MAPDA: variants seen among roughly 807,000 people sequenced by gnomAD.
MAPDA encodes N6-Methyl-AMP deaminase.
chr15:43,336,613 A>G, the MAPDA span: 50 of 1,562,050 alleles, frequency 3.2e-5, no homozygotes, highest in South Asian at 8.8e-5. Flanking sequence ...AAAACTTTTC[A>G]TTCATGTTGC....
chr15:43,335,635 C>G, the MAPDA span: 20 of 1,509,382 alleles, frequency 1.3e-5, no homozygotes, highest in Admixed American at 1.3e-4. Flanking sequence ...ACATTAAGTA[C>G]TTGGTAAGAT....
the MAPDA span, chr15:43,349,194 T>A: frequency 3.5e-6 from 5 of 1,439,708 alleles, no homozygotes; most frequent in South Asian, 6.3e-5. Context: ...TGAGCCTTAT[T>A]TAAAACAGAA....
the MAPDA span, among the ~76,000 whole-genome samples, chr15:43,340,817 A>T: frequency 6.6e-6 from 1 of 152,116 alleles, no homozygotes; most frequent in East Asian, 1.9e-4. Context: ...AGTTGTTTTC[A>T]CTCTGAGAAA....
chr15:43,344,158 T>C, the MAPDA span, among the ~76,000 whole-genome samples: 1 of 152,278 alleles, frequency 6.6e-6, no homozygotes, highest in South Asian at 2.1e-4. Flanking sequence ...TAAAAAAGTT[T>C]TTCCCTCTGA....
chr15:43,337,270 C>T, the MAPDA span, among the ~76,000 whole-genome samples: 6 of 129,370 alleles, frequency 4.6e-5, no homozygotes, highest in African/African-American at 1.5e-4. Context: ...AGCGAGACTC[C>T]GTCTCAAAAA....
the MAPDA span, among the ~76,000 whole-genome samples, chr15:43,344,448 T>G: frequency 2.6e-5 from 4 of 152,226 alleles, no homozygotes; most frequent in Non-Finnish European, 4.4e-5. Context: ...TAAAGGAATT[T>G]ATTTCGTCAA....
At chr15:43,343,145 G>T in the MAPDA span, 1 of 1,083,554 alleles carries the variant, frequency 9.2e-7, no homozygotes, top group South Asian at 1.8e-5. Context: ...TTTTGATCAT[G>T]GGTGTAATGG....
the MAPDA span, chr15:43,335,093 T>G: frequency 5.0e-6 from 8 of 1,613,620 alleles, no homozygotes; most frequent in South Asian, 1.1e-5. Context: ...GAAGAATCAT[T>G]TTTTTCCTGC....
chr15:43,337,665 C>T, the MAPDA span, among the ~76,000 whole-genome samples: 1 of 152,160 alleles, frequency 6.6e-6, no homozygotes, highest in African/African-American at 2.4e-5. Context: ...GGAGAGGTAA[C>T]TTTTGACTGA....
the MAPDA span, chr15:43,345,727 A>G: frequency 8.9e-7 from 1 of 1,128,196 alleles, no homozygotes; most frequent in Non-Finnish European, 1.3e-6. Context: ...GTCTAGATTC[A>G]GTCAGGCTAT....
At chr15:43,343,539 A>C in the MAPDA span, among the ~76,000 whole-genome samples, 1 of 152,282 alleles carries the variant, frequency 6.6e-6, no homozygotes, top group East Asian at 1.9e-4. Context: ...CTCATTATTC[A>C]GATCTCAATT....
At chr15:43,331,466 C>T in the MAPDA span, among the ~76,000 whole-genome samples, 1 of 152,160 alleles carries the variant, frequency 6.6e-6, no homozygotes, top group East Asian at 1.9e-4. Flanking sequence ...TGGTGACTGA[C>T]TGGCTGAAAT....
the MAPDA span, chr15:43,335,636 T>C: frequency 3.3e-6 from 5 of 1,523,428 alleles, no homozygotes; most frequent in Non-Finnish European, 4.4e-6. Flanking sequence ...CATTAAGTAC[T>C]TGGTAAGATG....
the MAPDA span, among the ~76,000 whole-genome samples, chr15:43,341,709 C>T: frequency 6.6e-5 from 10 of 152,122 alleles, no homozygotes; most frequent in East Asian, 3.9e-4. Context: ...GAACCATGAT[C>T]GTGCCACTGC....
chr15:43,335,618 A>G, the MAPDA span: 1 of 1,453,410 alleles, frequency 6.9e-7, no homozygotes. Context: ...CCTATTGCAA[A>G]CTACCAACAT....
At chr15:43,342,011 A>G in the MAPDA span, among the ~76,000 whole-genome samples, 6 of 151,614 alleles carry the variant, frequency 4.0e-5, no homozygotes, top group Non-Finnish European at 8.8e-5. Context: ...GCTCATTTTC[A>G]TATTTTTAGT....
the MAPDA span, among the ~76,000 whole-genome samples, chr15:43,331,516 G>A: frequency 6.6e-6 from 1 of 152,188 alleles, no homozygotes; most frequent in Non-Finnish European, 1.5e-5. Flanking sequence ...AACTACAGGT[G>A]GTACTGCATA....
the MAPDA span, among the ~76,000 whole-genome samples, chr15:43,341,625 C>T: frequency 4.0e-5 from 6 of 151,092 alleles, no homozygotes; most frequent in South Asian, 2.1e-4. Context: ...GATCACTTGA[C>T]GCCAGAAGTT....
At chr15:43,335,072 A>G in the MAPDA span, 3 of 1,604,054 alleles carry the variant, frequency 1.9e-6, no homozygotes, top group South Asian at 1.1e-5. Flanking sequence ...CATACTAAGA[A>G]TAAGAGTGGA....
Sources: allele counts gnomAD v4.1 joint callset (sites outside exome capture counted in the v4.1 genomes callset), GRCh38; gene constraint gnomAD v4.1.1; transcripts MANE v1.5; gene names NCBI Gene and HGNC (gene_info 2026-07-23, HGNC 2026-07-21).